TRIO: variants seen among roughly 807,000 people sequenced by gnomAD.
TRIO encodes the protein trio Rho guanine nucleotide exchange factor.
Under a neutral mutation model 351.9 loss-of-function variants are expected in TRIO, and 58 were observed. The ratio of observed to expected loss-of-function variants is 0.16; its 90% confidence interval spans 0.13 to 0.21. The LOEUF (loss-of-function observed/expected upper bound fraction) is 0.21, where lower values mean the gene tolerates loss of function less well. Ranked by LOEUF, TRIO falls within the 10% of genes least tolerant of loss-of-function variation. TRIO has a pLI of 1.00. For synonymous variants in TRIO, 1,758 were observed against 1,595.7 expected, an observed-to-expected ratio of 1.10 and a Z score of -2.42; for missense variants, 3,201 against 4,027.8, an observed-to-expected ratio of 0.79 and a Z score of 5.56.
intron 31 of TRIO, among the ~76,000 whole-genome samples, chr5:14,403,143 TGTGGTG>T (rs141983223): frequency 7.5e-5 from 8 of 106,396 alleles, no homozygotes; most frequent in Admixed American, 4.8e-4. Context: ...GGGTGCAGGT[TGTGGTG>T]GTGAGGGTTG....
At chr5:14,238,664 TTAAA>T (rs1322541787) in intron 1 of TRIO, among the ~76,000 whole-genome samples, 1 of 152,256 alleles carries the variant, frequency 6.6e-6, no homozygotes, top group Non-Finnish European at 1.5e-5. Context: ...CTTTTTTTCT[TTAAA>T]TAATTCATAA....
intron 53 of TRIO, among the ~76,000 whole-genome samples, chr5:14,502,355 A>G (rs1019890464): frequency 6.6e-6 from 1 of 152,254 alleles, no homozygotes; most frequent in Admixed American, 6.5e-5. Flanking sequence ...CATGAAATCA[A>G]TATTTGAAAA....
At chr5:14,234,390 G>A (rs1324422262) in intron 1 of TRIO, among the ~76,000 whole-genome samples, 1 of 152,162 alleles carries the variant, frequency 6.6e-6, no homozygotes, top group African/African-American at 2.4e-5. Flanking sequence ...GGGTGGGGTG[G>A]TAGCTGCCCT....
At chr5:14,298,477 T>G (rs1737563787) in intron 7 of TRIO, among the ~76,000 whole-genome samples, 1 of 152,152 alleles carries the variant, frequency 6.6e-6, no homozygotes, top group Non-Finnish European at 1.5e-5. Context: ...GGTTAATTTT[T>G]GGGGGAAAGA....
At chr5:14,473,540 G>A (rs889338792) in intron 39 of TRIO, among the ~76,000 whole-genome samples, 7 of 152,080 alleles carry the variant, frequency 4.6e-5, no homozygotes, top group African/African-American at 1.7e-4. Flanking sequence ...TCAATCAACT[G>A]TTGTTTAAAA....
intron 9 of TRIO, among the ~76,000 whole-genome samples, chr5:14,320,490 A>C (rs928323924): frequency 7.9e-5 from 12 of 152,152 alleles, no homozygotes; most frequent in African/African-American, 2.9e-4. Context: ...TGCCTTCTGC[A>C]AAGCCCCCGT....
intron 10 of TRIO, among the ~76,000 whole-genome samples, chr5:14,335,333 C>T (rs1238237182): frequency 6.6e-6 from 1 of 152,156 alleles, no homozygotes. Flanking sequence ...CCCTGCTCAT[C>T]TTACATCTCT....
rs56018324 is a variant in TRIO, at chr5:14,495,658, G to GAAAAAA, written c.7881-1198_7881-1193dup. ...ACATAGTGAAACCCCGTCTCTACTA[G>GAAAAAA]AAAAAAAAAAAAAAAAAAAAAAAAA... On this transcript the variant is annotated intron_variant, in intron 49 of 56. Coordinates refer to ENST00000344204, the MANE Select transcript of TRIO (RefSeq NM_007118.4). Among the ~76,000 whole-genome samples the GAAAAAA allele has an allele frequency of 3.1e-4, 10 of 32,596 alleles. 2 individuals are homozygous for GAAAAAA. The highest frequency in any genetic ancestry group is 8.6e-4 in the African/African-American group (8 of 9,346). The allele number at this position is 32,596 out of a possible 152,430, so 21.4% of individuals were successfully genotyped here.
chr5:14,392,291 T>C (rs991111558), intron 27 of TRIO, among the ~76,000 whole-genome samples: 8 of 151,776 alleles, frequency 5.3e-5, no homozygotes, highest in African/African-American at 1.9e-4. Flanking sequence ...ACAGACACTT[T>C]TCAAAAGAAG....
chr5:14,453,939 TC>T (rs1217050429), intron 34 of TRIO, among the ~76,000 whole-genome samples: 1 of 151,992 alleles, frequency 6.6e-6, no homozygotes, highest in African/African-American at 2.4e-5. Flanking sequence ...AATAGATGCA[TC>T]TTTTTTTTTT....
At chr5:14,464,851 C>T (rs889412938) in intron 36 of TRIO, among the ~76,000 whole-genome samples, 5 of 152,150 alleles carry the variant, frequency 3.3e-5, no homozygotes, top group African/African-American at 1.2e-4. Flanking sequence ...TTGCTAATTA[C>T]TGAAACTCGA....
intron 56 of TRIO, 152 bp from the exon 57 acceptor site, chr5:14,507,728 C>G (rs1196561172): frequency 2.1e-6 from 2 of 942,482 alleles, no homozygotes; most frequent in African/African-American, 3.3e-5. Context: ...CCCTCGGCTG[C>G]CAGCTGAGTG....
intron 45 of TRIO, 83 bp from the exon 46 acceptor site, chr5:14,482,499 A>T (rs1755602662): frequency 2.7e-6 from 3 of 1,097,256 alleles, no homozygotes; most frequent in Non-Finnish European, 2.4e-6. Context: ...CATAGGAGGA[A>T]ATCTAAAGAA....
intron 11 of TRIO, among the ~76,000 whole-genome samples, chr5:14,344,267 T>A (rs146840675): frequency 1.3e-5 from 2 of 152,356 alleles, no homozygotes; most frequent in East Asian, 3.9e-4. Context: ...GGCGTAGCAT[T>A]ATGTCTTTAC....
chr5:14,507,313 A>G lies in TRIO; in HGVS notation c.8751+53A>G, dbSNP rs1359785947. ...GGGGTCTGAGCACACCGGCTTGGCC[A>G]TGCGGGACACAGAGCCCCCTCTGAA... On this transcript the variant is annotated intron_variant, in intron 56 of 56. Transcript: ENST00000344204. 1.8e-5 allele frequency: 29 copies of G among 1,598,498 alleles called. No individual in the cohort carries two copies. The Admixed American group carries it at 2.5e-4, about 14-fold the overall frequency.
chr5:14,154,578 C>A (rs1373938971), intron 1 of TRIO, among the ~76,000 whole-genome samples: 1 of 152,134 alleles, frequency 6.6e-6, no homozygotes, highest in East Asian at 1.9e-4. Flanking sequence ...GTTGCGTTCT[C>A]ATCAGCCATA....
intron 40 of TRIO, 63 bp from the exon 41 acceptor site, chr5:14,476,831 C>A: frequency 1.4e-6 from 2 of 1,383,502 alleles, no homozygotes; most frequent in South Asian, 1.3e-5. Flanking sequence ...AAAATGTAAA[C>A]CTAAATCTAA....
intron 11 of TRIO, among the ~76,000 whole-genome samples, chr5:14,338,928 G>T (rs940544833): frequency 6.6e-6 from 1 of 152,150 alleles, no homozygotes; most frequent in African/African-American, 2.4e-5. Context: ...TGAGGTAAGG[G>T]TCTAGCTTCC....
In TRIO at chr5:14,449,155, A is replaced by G. The variant is rs115739834; in HGVS notation, c.5204-11864A>G. 1.2e-3 allele frequency among the ~76,000 whole-genome samples: 179 copies of G among 152,282 alleles called. 1 individual carries two copies. Among genetic ancestry groups the G allele is most frequent in the African/African-American group, 3.8e-3 (159 of 41,550 alleles). ...TTTTATGACATCGTGGTTTTTAACA[A>G]TGTGTGGCCATCTGCCAGGCGAGCC... On this transcript the variant is annotated intron_variant, in intron 34 of 56. Coordinates refer to ENST00000344204, the MANE Select transcript of TRIO (RefSeq NM_007118.4).
Sources: gnomAD v4.1 joint callset for allele counts (sites outside exome capture counted in the v4.1 genomes callset) on GRCh38, gnomAD v4.1.1 for gene constraint, MANE v1.5 for transcripts, NCBI Gene and HGNC (gene_info 2026-07-23, HGNC 2026-07-21) for gene names.